Variants in NDUFAF2 observed in about 807,000 individuals in gnomAD.
The protein encoded by NDUFAF2 is NADH dehydrogenase [ubiquinone] 1 alpha subcomplex assembly factor 2.
A neutral mutation model predicts 22.8 loss-of-function variants in NDUFAF2; 13 were observed. The ratio of observed to expected loss-of-function variants is 0.57; its 90% CI spans 0.37 to 0.91. NDUFAF2 has a LOEUF of 0.91. Ranked by LOEUF, NDUFAF2 falls within the 40% of genes least tolerant of loss-of-function variation. The pLI, the probability that NDUFAF2 is intolerant of heterozygous loss-of-function variation, is 0.01. For missense variants in NDUFAF2, 162 were observed against 195.2 expected, an observed-to-expected ratio of 0.83 and a Z score of 1.01; for synonymous variants, 53 against 64.2, an observed-to-expected ratio of 0.83 and a Z score of 0.84.
At chr5:61,101,335 A>G (rs1752703164) in intron 3 of NDUFAF2, among the ~76,000 whole-genome samples, 2 of 152,120 alleles carry the variant, frequency 1.3e-5, no homozygotes, top group African/African-American at 2.4e-5. Flanking sequence ...CTTTTATAGT[A>G]ATCATTTCCT....
chr5:61,024,316 C>T (rs1159221435), intron 1 of NDUFAF2, among the ~76,000 whole-genome samples: 1 of 151,916 alleles, frequency 6.6e-6, no homozygotes, highest in Non-Finnish European at 1.5e-5. Context: ...TTGTGTGTAT[C>T]TGGTACCTAA....
chr5:61,063,481 G>A (rs1475204376), intron 1 of NDUFAF2, among the ~76,000 whole-genome samples: 2 of 152,038 alleles, frequency 1.3e-5, no homozygotes, highest in South Asian at 4.1e-4. Context: ...AGGAGTTTGG[G>A]TGATAGAGCA....
intron 1 of NDUFAF2, among the ~76,000 whole-genome samples, chr5:61,006,423 G>A (rs780329629): frequency 6.6e-6 from 1 of 152,062 alleles, no homozygotes; most frequent in African/African-American, 2.4e-5. Flanking sequence ...TTGGCAATGC[G>A]ATCTCTTTTT....
chr5:61,059,143 GGAATATAATCA>G (rs1752133794), intron 1 of NDUFAF2, among the ~76,000 whole-genome samples: 1 of 151,910 alleles, frequency 6.6e-6, no homozygotes, highest in African/African-American at 2.4e-5. Context: ...GTTTGATTTG[GGAATATAATCA>G]GAAGACCTGC....
At chr5:61,117,884 G>A (rs1752932097) in intron 3 of NDUFAF2, among the ~76,000 whole-genome samples, 1 of 152,122 alleles carries the variant, frequency 6.6e-6, no homozygotes, top group South Asian at 2.1e-4. Context: ...CCAATAAAAC[G>A]TTATTTACAG....
chr5:61,112,880 A>C (rs1324215026), intron 3 of NDUFAF2, among the ~76,000 whole-genome samples: 1 of 122,792 alleles, frequency 8.1e-6, no homozygotes, highest in Non-Finnish European at 1.7e-5. Flanking sequence ...GTTATGTTTT[A>C]GTTTATTCTT....
At chr5:61,091,137 G>A (rs1752564008) in intron 2 of NDUFAF2, among the ~76,000 whole-genome samples, 1 of 152,100 alleles carries the variant, frequency 6.6e-6, no homozygotes, top group Non-Finnish European at 1.5e-5. Context: ...GAATAGTGCT[G>A]CAATAAACAT....
chr5:60,978,459 T>C (rs1441481754), intron 1 of NDUFAF2, among the ~76,000 whole-genome samples: 1 of 152,080 alleles, frequency 6.6e-6, no homozygotes, highest in Non-Finnish European at 1.5e-5. Flanking sequence ...CTTACAACCA[T>C]GGCGGAAGGC....
intron 2 of NDUFAF2, among the ~76,000 whole-genome samples, chr5:61,078,257 G>A (rs1752394117): frequency 8.3e-6 from 1 of 120,772 alleles, no homozygotes; most frequent in African/African-American, 2.8e-5. Context: ...TATTCTCAGG[G>A]CCTAGCTCAA....
At position 60,945,220 on chromosome 5, in the gene NDUFAF2, C is replaced by G. The variant is rs761734310; in HGVS notation, c.-36C>G. 6 of 1,607,968 alleles carry G rather than the reference C, an allele frequency of 3.7e-6. No homozygotes were observed. The highest frequency in any genetic ancestry group is 1.3e-5 in the African/African-American group (1 of 74,774). On this transcript the variant is annotated 5_prime_UTR_variant, in exon 1 of 4. Transcript: ENST00000296597. ...CTGGAGCATTACCCCTACTGCGGGT[C>G]CCGCTGCTGGCAGCGCTGGAAACTG...
At chr5:61,021,882 G>C (rs982748587) in intron 1 of NDUFAF2, among the ~76,000 whole-genome samples, 1 of 152,180 alleles carries the variant, frequency 6.6e-6, no homozygotes, top group Non-Finnish European at 1.5e-5. Context: ...AATTGTGATT[G>C]TAGAAGCTTG....
At chr5:60,993,634 C>T (rs1365932338) in intron 1 of NDUFAF2, among the ~76,000 whole-genome samples, 2 of 152,238 alleles carry the variant, frequency 1.3e-5, no homozygotes, top group East Asian at 3.9e-4. Flanking sequence ...GTGGGTAGTT[C>T]CTCTCTGCGG....
At position 61,082,236 on chromosome 5, in the gene NDUFAF2, G is replaced by A. The variant is rs190503319; in HGVS notation, c.217+9022G>A. 1.4e-3 allele frequency among the ~76,000 whole-genome samples: 207 copies of A among 152,180 alleles called. 1 individual carries two copies. The highest frequency in any genetic ancestry group is 3.4e-3 in the Middle Eastern group (1 of 294). ...TGCAAATAAAATTCATCATTCTTGGGGATGAAATAGAAGCCAAGAGTGTAC... is the reference window on the plus strand; with the variant it reads ...TGCAAATAAAATTCATCATTCTTGGAGATGAAATAGAAGCCAAGAGTGTAC... On this transcript the variant is annotated intron_variant, in intron 2 of 3. Coordinates refer to ENST00000296597, the MANE Select transcript of NDUFAF2 (RefSeq NM_174889.5).
intron 1 of NDUFAF2, among the ~76,000 whole-genome samples, chr5:61,067,819 C>G (rs1175382547): frequency 6.6e-6 from 1 of 152,032 alleles, no homozygotes; most frequent in African/African-American, 2.4e-5. Flanking sequence ...TCTCCAGCAC[C>G]TGTTGTTTCC....
At chr5:61,004,884 A>G (rs552594344) in intron 1 of NDUFAF2, among the ~76,000 whole-genome samples, 1 of 152,158 alleles carries the variant, frequency 6.6e-6, no homozygotes, top group East Asian at 1.9e-4. Context: ...TGGCTATAAA[A>G]TGTACTTTCA....
At chr5:61,093,404 T>C (rs1752596446) in intron 2 of NDUFAF2, among the ~76,000 whole-genome samples, 1 of 152,252 alleles carries the variant, frequency 6.6e-6, no homozygotes, top group South Asian at 2.1e-4. Context: ...TTGTCATATA[T>C]GGCTCTTATT....
At chr5:60,996,569 T>G (rs935403373) in intron 1 of NDUFAF2, among the ~76,000 whole-genome samples, 5 of 152,090 alleles carry the variant, frequency 3.3e-5, no homozygotes, top group African/African-American at 1.2e-4. Flanking sequence ...GCCCTTCCAG[T>G]CCACTGTCGC....
In NDUFAF2 at chr5:61,073,169, AAAG is replaced by A. The variant is rs949731001; in HGVS notation, c.176_178del (p.Glu59del). 2 of 1,613,392 alleles carry A rather than the reference AAAG, an allele frequency of 1.2e-6. No individual in the cohort carries two copies. The highest frequency in any genetic ancestry group is 1.7e-6 in the Non-Finnish European group (2 of 1,179,580). On this transcript the variant is annotated inframe_deletion, in exon 2 of 4. Transcript: ENST00000296597. The stretch of plus-strand genomic sequence containing the variant: ...AAGAATTGTAGAAGCAGCAAATAAA[AAAG>A]AAGTAGACTATGAAGCAGGGGATAT...
chr5:61,146,725 T>C (rs1156658498), intron 3 of NDUFAF2, among the ~76,000 whole-genome samples: 2 of 152,190 alleles, frequency 1.3e-5, no homozygotes, highest in Non-Finnish European at 2.9e-5. Flanking sequence ...TGTGAATTTA[T>C]ATTTAGTCAT....
Sources: gnomAD v4.1 joint callset for allele counts (sites outside exome capture counted in the v4.1 genomes callset) on GRCh38, gnomAD v4.1.1 for gene constraint, MANE v1.5 for transcripts, NCBI Gene and HGNC (gene_info 2026-07-23, HGNC 2026-07-21) for gene names.